Variants in VPS9D1 observed in about 807,000 individuals in gnomAD.
The protein encoded by VPS9D1 is VPS9 domain containing 1.
Under a neutral mutation model 75.8 loss-of-function variants are expected in VPS9D1, and 78 were observed. The ratio of observed to expected loss-of-function variants is 1.03; its 90% confidence interval spans 0.86 to 1.24. The LOEUF is 1.24. Among genes scored for constraint, VPS9D1 ranks in the 50% most tolerant of loss-of-function variants. The pLI, the probability that VPS9D1 is intolerant of heterozygous loss-of-function variation, is 0.00. For synonymous variants in VPS9D1, 481 were observed against 385.6 expected (o/e 1.25, Z -2.90); for missense variants, 1,057 against 847.7 (o/e 1.25, Z -3.07).
intron 1 of VPS9D1, chr16:89,719,437 T>C: frequency 2.1e-6 from 1 of 469,722 alleles, no homozygotes; most frequent in South Asian, 1.6e-5. Context: ...CCTGGGGAAG[T>C]GACCTCAGCA....
At chr16:89,714,213 C>T (rs1017013761) in intron 4 of VPS9D1, among the ~76,000 whole-genome samples, 1 of 152,160 alleles carries the variant, frequency 6.6e-6, no homozygotes, top group South Asian at 2.1e-4. Flanking sequence ...GCTGGGATTA[C>T]AGGCGGGAGC....
intron 11 of VPS9D1, 24 bp downstream of exon 11, chr16:89,709,753 G>A (rs1478648101): frequency 6.2e-7 from 1 of 1,613,202 alleles, no homozygotes; most frequent in Admixed American, 1.7e-5. Context: ...GGCCACGCAG[G>A]TGGTTGTACA....
Position 89,720,876 on chromosome 16 carries a change from G to C in VPS9D1, c.-15C>G. ...GCAGCGGCCATGGCGCCGAGCGGGG[G>C]AGGCGGCGGCGGTAGCCGAGGGGCT... is the stretch of plus-strand genomic sequence containing the variant. On this transcript the variant is annotated 5_prime_UTR_variant, in exon 1 of 15. Coordinates refer to ENST00000389386, the MANE Select transcript of VPS9D1 (RefSeq NM_004913.3). 7.4e-7 allele frequency: 1 copy of C among 1,354,424 alleles called. No homozygotes were observed. The allele number at this position is 1,354,424 out of a possible 1,614,324, so 83.9% of individuals were successfully genotyped here.
At chr16:89,716,866 T>G in intron 2 of VPS9D1, 44 bp from the exon 3 acceptor site, 1 of 1,513,940 alleles carries the variant, frequency 6.6e-7, no homozygotes, top group Non-Finnish European at 8.9e-7. Context: ...GCTCTACCAC[T>G]GTTACTTACT....
chr16:89,715,866 G>A (rs570873553), intron 4 of VPS9D1, among the ~76,000 whole-genome samples: 29 of 151,792 alleles, frequency 1.9e-4, no homozygotes, highest in Admixed American at 3.3e-4. Flanking sequence ...TAGTAAAGAC[G>A]GGGTTTTACC....
rs2061240838 is a variant in VPS9D1, at chr16:89,720,746, C to T, written c.99+17G>A. On this transcript the variant is annotated intron_variant, in intron 1 of 14. Transcript: ENST00000389386. ...GGCCACCCTCAGCGGCCAAGCCCCG[C>T]CCCCGCCCCGCCTCACCCGGGGCCG... The T allele has an allele frequency of 2.1e-6, 3 of 1,435,098 alleles. No homozygotes were observed. The highest frequency in any genetic ancestry group is 2.5e-5 in the Admixed American group (1 of 39,350). 88.9% of individuals were successfully genotyped at this position (1,435,098 alleles called of 1,614,324 possible).
In VPS9D1 at chr16:89,707,943, C is replaced by G; in HGVS notation, c.1814G>C (p.Gly605Ala). ...EEFIHEGYLI[G>A]EEGYCLTSLQ... The stretch of plus-strand genomic sequence containing the variant: ...TGATGTGAGGCAGTAGCCCTCCTCT[C>G]CGATCAGGTACCTGCATGGATGGCA... Residue 605 changes from glycine to alanine, a missense_variant, in exon 15 of 15, where the codon GGA becomes GCA. Gly to Ala is a moderately conservative substitution (Grantham distance 60). Coordinates refer to ENST00000389386, the MANE Select transcript of VPS9D1 (RefSeq NM_004913.3). 1 of 1,612,978 alleles carries G rather than the reference C, an allele frequency of 6.2e-7. No homozygotes were observed. The highest frequency in any genetic ancestry group is 1.3e-5 in the African/African-American group (1 of 75,040).
intron 14 of VPS9D1, 50 bp downstream of exon 14, chr16:89,708,377 G>A (rs1429736377): frequency 3.9e-6 from 6 of 1,529,460 alleles, no homozygotes; most frequent in African/African-American, 2.7e-5. Flanking sequence ...TGAGGGATGA[G>A]GTCCCTGCTC....
chr16:89,712,670 T>C lies in VPS9D1; in HGVS notation c.478A>G (p.Lys160Glu). Residue 160 changes from lysine (K) to glutamate (E), a missense_variant, in exon 5 of 15, where the codon AAG (lysine) becomes GAG (glutamate). Transcript: ENST00000389386. ...EEASLQNQKL[K>E]AAYEARMARL... is the part of the protein sequence containing the mutation. ...GCCATTCGGGCCTCATACGCAGCCT[T>C]CAGCTTCTGATTCTGCAGGGAGGCC... The C allele has an allele frequency of 1.2e-6, 2 of 1,612,040 alleles. No homozygotes were observed. Among genetic ancestry groups the C allele is most frequent in the Non-Finnish European group, 1.7e-6 (2 of 1,178,802 alleles).
At chr16:89,720,304 C>T (rs1051743703) in intron 1 of VPS9D1, 3 of 716,478 alleles carry the variant, frequency 4.2e-6, no homozygotes, top group Non-Finnish European at 5.1e-6. Context: ...CACACCCCTC[C>T]GGCCTGCTTT....
rs183710417 is a variant in VPS9D1, at chr16:89,710,415, G to A, written c.1258+171C>T. 2.2e-4 allele frequency among the ~76,000 whole-genome samples: 33 copies of A among 152,276 alleles called. No homozygotes were observed. The East Asian group carries it at 5.0e-3, about 23-fold the overall frequency. The stretch of plus-strand genomic sequence containing the variant: ...AGCTTGACCAACATGGTGAAACTCC[G>A]TTTCTACCACACTGTTTCCAAAATG... On this transcript the variant is annotated intron_variant, in intron 10 of 14. Coordinates refer to ENST00000389386, the MANE Select transcript of VPS9D1 (RefSeq NM_004913.3).
intron 2 of VPS9D1, among the ~76,000 whole-genome samples, chr16:89,718,755 TC>T (rs1421561606): frequency 6.6e-6 from 1 of 151,752 alleles, no homozygotes; most frequent in Non-Finnish European, 1.5e-5. Context: ...TCGCTCTTGT[TC>T]CAGGCTGGAG....
At chr16:89,713,588 G>A (rs945151259) in intron 4 of VPS9D1, among the ~76,000 whole-genome samples, 1 of 152,082 alleles carries the variant, frequency 6.6e-6, no homozygotes, top group Non-Finnish European at 1.5e-5. Context: ...CTGGACCACT[G>A]GACTTCTATG....
intron 12 of VPS9D1, 63 bp from the exon 13 acceptor site, chr16:89,709,019 T>TCCCCCCCC: frequency 7.7e-7 from 1 of 1,290,652 alleles, no homozygotes; most frequent in Non-Finnish European, 1.0e-6. Context: ...CCACCCCTTA[T>TCCCCCCCC]ACCCCGCCCA....
Position 89,708,421 on chromosome 16 carries a change from G to A in VPS9D1, c.1802+6C>T. 2 of 1,609,666 alleles carry A rather than the reference G, an allele frequency of 1.2e-6. No individual in the cohort carries two copies. The highest frequency in any genetic ancestry group is 1.7e-6 in the Non-Finnish European group (2 of 1,178,610). On this transcript the variant is annotated splice_donor_region_variant and intron_variant, in intron 14 of 14. Transcript: ENST00000389386. ...GAGACCCCCACCCTGACCCGCCAGG[G>A]TCTACCCCTCGTGGATGAACTCCTC...
Position 89,720,744 on chromosome 16 carries a change from CG to C in VPS9D1, c.99+18del. On this transcript the variant is annotated intron_variant, in intron 1 of 14. Coordinates refer to ENST00000389386, the MANE Select transcript of VPS9D1 (RefSeq NM_004913.3). ...GGGGCCACCCTCAGCGGCCAAGCCC[CG>C]CCCCCGCCCCGCCTCACCCGGGGCC... 1 of 1,432,290 alleles carries C rather than the reference CG, an allele frequency of 7.0e-7. No individual in the cohort carries two copies. The highest frequency in any genetic ancestry group is 9.2e-7 in the Non-Finnish European group (1 of 1,089,896). The allele number at this position is 1,432,290 out of a possible 1,614,324, so 88.7% of individuals were successfully genotyped here.
At chr16:89,712,826 GA>G (rs1435110707) in intron 4 of VPS9D1, 110 bp from the exon 5 acceptor site, 1 of 964,592 alleles carries the variant, frequency 1.0e-6, no homozygotes, top group African/African-American at 1.7e-5. Context: ...GAGGTGAGGA[GA>G]AAGAGGAGGG....
chr16:89,710,459 G>A (rs1284898693), intron 10 of VPS9D1, 127 bp downstream of exon 10: 6 of 1,040,636 alleles, frequency 5.8e-6, no homozygotes, highest in Admixed American at 2.9e-5. Flanking sequence ...TGAGGCGTGA[G>A]CTGGGTGGAT....
In VPS9D1 at chr16:89,708,868, A is replaced by T. The variant is rs567625389; in HGVS notation, c.1686T>A (p.Ala562=). ...ATPQAGPPPI[A]AAAIGADDLL... is the part of the protein sequence containing the mutation. ...CTCCTGGGACTCACATGGCAGCTGC[A>T]GCGATGGGCGGGGGCCCGGCCTGGG... is the stretch of plus-strand genomic sequence containing the variant. The change falls in exon 13 of 15, where the codon GCT becomes GCA. Residue 562 remains alanine (A), a synonymous_variant. Transcript: ENST00000389386. 6.3e-7 allele frequency: 1 copy of T among 1,581,642 alleles called. No individual in the cohort carries two copies. Among genetic ancestry groups the T allele is most frequent in the East Asian group, 2.2e-5 (1 of 44,586 alleles).
Sources: gnomAD v4.1 joint callset for allele counts (sites outside exome capture counted in the v4.1 genomes callset) on GRCh38, gnomAD v4.1.1 for gene constraint, MANE v1.5 for transcripts, NCBI Gene and HGNC (gene_info 2026-07-23, HGNC 2026-07-21) for gene names.